Variants in SPATS2 observed in about 807,000 individuals in gnomAD.
The protein encoded by SPATS2 is spermatogenesis associated serine rich 2.
A neutral mutation model predicts 63.7 loss-of-function variants in SPATS2; 38 were observed. The observed-to-expected ratio is 0.60, with a 90% CI of 0.46 to 0.78. The LOEUF (loss-of-function observed/expected upper bound fraction) is 0.78. SPATS2 is among the 30% of genes least tolerant of loss of function. SPATS2 has a pLI of 0.00. For missense variants in SPATS2, 588 were observed against 666.2 expected (o/e 0.88, Z 1.29); for synonymous variants, 207 against 232.9 (o/e 0.89, Z 1.01).
intron 7 of SPATS2, among the ~76,000 whole-genome samples, chr12:49,496,544 A>C (rs1158687452): frequency 6.6e-6 from 1 of 152,220 alleles, no homozygotes; most frequent in African/African-American, 2.4e-5. Context: ...GAAACTACCA[A>C]GCTACAAAGA....
intron 2 of SPATS2, among the ~76,000 whole-genome samples, chr12:49,460,095 C>T (rs1349035234): frequency 2.0e-5 from 3 of 150,562 alleles, no homozygotes; most frequent in African/African-American, 2.4e-5. Context: ...GCAACAAGAG[C>T]GAAACTCCGC....
intron 2 of SPATS2, among the ~76,000 whole-genome samples, chr12:49,432,337 TGGCA>T (rs796193085): frequency 3.3e-5 from 5 of 152,280 alleles, no homozygotes; most frequent in African/African-American, 1.2e-4. Context: ...CTGGGTGTGG[TGGCA>T]GGCGCCTGTA....
intron 2 of SPATS2, among the ~76,000 whole-genome samples, chr12:49,436,458 T>C: frequency 7.5e-6 from 1 of 132,638 alleles, no homozygotes; most frequent in Non-Finnish European, 1.6e-5. Context: ...GCTCCTCACT[T>C]CCCAGTAGGG....
chr12:49,453,526 T>C (rs1945662295), intron 2 of SPATS2, among the ~76,000 whole-genome samples: 1 of 152,142 alleles, frequency 6.6e-6, no homozygotes, highest in Non-Finnish European at 1.5e-5. Context: ...TTAAAATCAA[T>C]TTGGGCTGGG....
rs139815449 is a variant in SPATS2, at chr12:49,490,991, A to G, written c.264+260A>G. ...GTCCCGTCTCTACTAAAAAATAGAA[A>G]AAATTAGCCAGGTGTGGTGGCACGT... On this transcript the variant is annotated intron_variant, in intron 6 of 13. Coordinates refer to ENST00000552918, the MANE Select transcript of SPATS2 (RefSeq NM_023071.4). The G allele has an allele frequency of 7.5e-5, 22 of 294,410 alleles. No homozygotes were observed. In the East Asian group the frequency reaches 1.7e-3, roughly 22 times the overall value. The allele number at this position is 294,410 out of a possible 1,614,324, so 18.2% of individuals were successfully genotyped here. A position where few individuals can be genotyped will look rare whatever the true frequency, so the allele number is the denominator to read the frequency against.
At chr12:49,469,572 C>T (rs777654209) in intron 3 of SPATS2, 1 of 351,414 alleles carries the variant, frequency 2.8e-6, no homozygotes, top group African/African-American at 2.4e-5. Flanking sequence ...AAAGAAAAAA[C>T]AAAGTAAAAT....
chr12:49,490,776 T>C, intron 6 of SPATS2, 45 bp downstream of exon 6: 1 of 1,569,678 alleles, frequency 6.4e-7, no homozygotes, highest in East Asian at 2.3e-5. Context: ...GTATATTATT[T>C]TTAAAAATTT....
At chr12:49,373,101 T>C (rs1430568738) in intron 2 of SPATS2, among the ~76,000 whole-genome samples, 1 of 152,018 alleles carries the variant, frequency 6.6e-6, no homozygotes, top group Non-Finnish European at 1.5e-5. Context: ...GCCTCCTGAG[T>C]AGCTGGGATT....
Position 49,483,770 on chromosome 12 carries a change from TG to T in SPATS2, c.26-819del, listed in dbSNP as rs113896322. Among the ~76,000 whole-genome samples the T allele has an allele frequency of 7.5e-3, 1,137 of 152,338 alleles. 9 individuals carry two copies. The highest frequency in any genetic ancestry group is 0.026 in the African/African-American group (1,070 of 41,574). ...AGTACAGTGCAGAGATCAGTAATATTGTTATCACCTGGGAGTAAAAATCTGC... is the reference window on the plus strand; with the variant it reads ...AGTACAGTGCAGAGATCAGTAATATTTTATCACCTGGGAGTAAAAATCTGC... On this transcript the variant is annotated intron_variant, in intron 3 of 13. Transcript: ENST00000552918.
intron 2 of SPATS2, among the ~76,000 whole-genome samples, chr12:49,428,635 C>A (rs1166261944): frequency 6.6e-6 from 1 of 152,184 alleles, no homozygotes; most frequent in Non-Finnish European, 1.5e-5. Flanking sequence ...GAATAATATT[C>A]CATCTTTCAT....
chr12:49,475,577 A>G (rs1383474959), intron 3 of SPATS2, among the ~76,000 whole-genome samples: 1 of 152,188 alleles, frequency 6.6e-6, no homozygotes, highest in African/African-American at 2.4e-5. Context: ...AGTAGCTGGG[A>G]TTACAGGTGC....
chr12:49,475,938 G>A (rs1377266765), intron 3 of SPATS2, among the ~76,000 whole-genome samples: 6 of 151,936 alleles, frequency 3.9e-5, no homozygotes, highest in Admixed American at 6.6e-5. Flanking sequence ...TAGGGAAGTC[G>A]GGAAGGGAAG....
intron 2 of SPATS2, chr12:49,389,717 G>A: frequency 1.9e-6 from 3 of 1,549,754 alleles, no homozygotes; most frequent in Non-Finnish European, 2.7e-6. Context: ...CGTTAGTTAT[G>A]GGAATCCAGC....
intron 1 of SPATS2, among the ~76,000 whole-genome samples, chr12:49,369,535 G>A (rs1943963019): frequency 6.6e-6 from 1 of 152,158 alleles, no homozygotes; most frequent in South Asian, 2.1e-4. Context: ...TTCACTACCT[G>A]TTTGCTCTTT....
chr12:49,372,924 C>G (rs144417557), intron 2 of SPATS2, among the ~76,000 whole-genome samples: 1 of 146,048 alleles, frequency 6.8e-6, no homozygotes, highest in African/African-American at 2.6e-5. Flanking sequence ...CCTAGCCTCT[C>G]ATTTGATTTT....
At chr12:49,519,778 A>G (rs1946908185) in intron 11 of SPATS2, among the ~76,000 whole-genome samples, 2 of 150,414 alleles carry the variant, frequency 1.3e-5, no homozygotes, top group Admixed American at 1.3e-4. Context: ...ATCTGTCCAA[A>G]TGCTCTTCTC....
intron 3 of SPATS2, among the ~76,000 whole-genome samples, chr12:49,479,827 G>T (rs1053631492): frequency 1.3e-5 from 2 of 152,162 alleles, no homozygotes; most frequent in African/African-American, 2.4e-5. Flanking sequence ...ATATATCAAG[G>T]TACTGTTAAA....
intron 2 of SPATS2, among the ~76,000 whole-genome samples, chr12:49,450,153 A>G (rs1282151834): frequency 4.0e-5 from 6 of 150,742 alleles, no homozygotes; most frequent in Non-Finnish European, 8.9e-5. Context: ...GTTTGAATCT[A>G]TGGTGTGTTT....
chr12:49,473,524 C>T (rs1946073416), intron 3 of SPATS2, among the ~76,000 whole-genome samples: 1 of 152,202 alleles, frequency 6.6e-6, no homozygotes, highest in African/African-American at 2.4e-5. Context: ...TGAAGCTACA[C>T]ATATCATATT....
Sources: gnomAD v4.1 joint callset for allele counts (sites outside exome capture counted in the v4.1 genomes callset) on GRCh38, gnomAD v4.1.1 for gene constraint, MANE v1.5 for transcripts, NCBI Gene and HGNC (gene_info 2026-07-23, HGNC 2026-07-21) for gene names.